SEMA6D: variants seen among roughly 807,000 people sequenced by gnomAD.
The protein encoded by SEMA6D is semaphorin-6D.
A neutral mutation model predicts 106.6 loss-of-function variants in SEMA6D; 35 were observed. The ratio of observed to expected loss-of-function variants is 0.33; its 90% CI spans 0.25 to 0.44. SEMA6D has a LOEUF of 0.44. Ranked by LOEUF, SEMA6D falls within the 20% of genes least tolerant of loss-of-function variation. The probability of loss-of-function intolerance (pLI) is 1.00; values close to 1 mark genes in which losing one functional copy is unlikely to be tolerated. For synonymous variants in SEMA6D, 499 were observed against 487.7 expected, an observed-to-expected ratio of 1.02 and a Z score of -0.31; for missense variants, 1,185 against 1,345.9, an observed-to-expected ratio of 0.88 and a Z score of 1.87.
chr15:47,447,468 C>G (rs1373627753), intron 2 of SEMA6D, among the ~76,000 whole-genome samples: 1 of 152,098 alleles, frequency 6.6e-6, no homozygotes, highest in Non-Finnish European at 1.5e-5. Flanking sequence ...GATTGGGGAG[C>G]TTGCCTATAG....
intron 2 of SEMA6D, among the ~76,000 whole-genome samples, chr15:47,458,775 C>T (rs1345939655): frequency 2.0e-5 from 3 of 151,888 alleles, no homozygotes; most frequent in Non-Finnish European, 4.4e-5. Context: ...GGTCTCAAAT[C>T]AATGGCATAT....
chr15:47,466,327 A>G (rs943103201), intron 2 of SEMA6D, among the ~76,000 whole-genome samples: 5 of 152,078 alleles, frequency 3.3e-5, no homozygotes, highest in Non-Finnish European at 5.9e-5. Flanking sequence ...CCCACCCTCT[A>G]GCCTGTAGCA....
chr15:47,715,737 A>G (rs1043778966), upstream of SEMA6D, among the ~76,000 whole-genome samples: 5 of 152,184 alleles, frequency 3.3e-5, no homozygotes, highest in African/African-American at 1.2e-4. Context: ...AAAGCTGACG[A>G]TTGTGGAATT....
intron 1 of SEMA6D, among the ~76,000 whole-genome samples, chr15:47,227,984 TAA>T (rs1284958667): frequency 2.2e-5 from 3 of 139,312 alleles, no homozygotes; most frequent in African/African-American, 5.1e-5. Context: ...TTTATATATA[TAA>T]GATTCTTATA....
chr15:47,368,016 T>G (rs2145312365), intron 1 of SEMA6D, among the ~76,000 whole-genome samples: 1 of 152,250 alleles, frequency 6.6e-6, no homozygotes, highest in East Asian at 1.9e-4. Flanking sequence ...ACATAATGTT[T>G]GAGTCCAACA....
intron 3 of SEMA6D, among the ~76,000 whole-genome samples, chr15:47,534,191 T>G (rs1308662435): frequency 1.3e-5 from 2 of 152,024 alleles, no homozygotes; most frequent in East Asian, 3.9e-4. Context: ...CAAAAATGCC[T>G]TCTTTTTTTT....
chr15:47,346,367 G>A (rs952571688), intron 1 of SEMA6D, among the ~76,000 whole-genome samples: 1 of 152,152 alleles, frequency 6.6e-6, no homozygotes, highest in African/African-American at 2.4e-5. Flanking sequence ...GTCTCCATTT[G>A]TTCCATGTGT....
intron 1 of SEMA6D, chr15:47,730,601 A>C (rs2080055215): frequency 1.9e-6 from 3 of 1,554,328 alleles, no homozygotes; most frequent in Admixed American, 1.7e-5. Flanking sequence ...CCAGGCCAAC[A>C]GTCTCTGCTT....
At chr15:47,216,149 G>A (rs2030574624) in intron 1 of SEMA6D, among the ~76,000 whole-genome samples, 2 of 152,028 alleles carry the variant, frequency 1.3e-5, no homozygotes. Context: ...GATATACCTT[G>A]TTATTTGAGA....
chr15:47,365,938 GAAAGAAAGAAAGATAGA>G (rs2039011984), intron 1 of SEMA6D, among the ~76,000 whole-genome samples: 1 of 110,878 alleles, frequency 9.0e-6, no homozygotes, highest in Admixed American at 9.7e-5. Context: ...GAAAGAAAGA[GAAAGAAAGAAAGATAGA>G]AAAGAAAGAA....
chr15:47,642,403 T>C (rs79867111), intron 4 of SEMA6D, among the ~76,000 whole-genome samples: 2 of 152,130 alleles, frequency 1.3e-5, no homozygotes, highest in Non-Finnish European at 2.9e-5. Context: ...AACCCAGTGC[T>C]TTTTCCACTC....
At chr15:47,626,735 GAAATTGAAT>G (rs1182661862) in intron 4 of SEMA6D, among the ~76,000 whole-genome samples, 2 of 151,820 alleles carry the variant, frequency 1.3e-5, no homozygotes, top group African/African-American at 4.8e-5. Flanking sequence ...TTTTAATTTT[GAAATTGAAT>G]AACAAGTCCC....
At chr15:47,307,777 C>A (rs946540888) in intron 1 of SEMA6D, among the ~76,000 whole-genome samples, 3 of 152,104 alleles carry the variant, frequency 2.0e-5, no homozygotes, top group African/African-American at 7.2e-5. Flanking sequence ...CTTTTAGTTT[C>A]CTTGCAAATG....
At chr15:47,229,527 G>A (rs1169062668) in intron 1 of SEMA6D, among the ~76,000 whole-genome samples, 6 of 151,860 alleles carry the variant, frequency 4.0e-5, no homozygotes, top group Non-Finnish European at 7.4e-5. Flanking sequence ...GGCTCAGTCT[G>A]TCACAGCTGA....
At chr15:47,283,608 C>T (rs1428488837) in intron 1 of SEMA6D, among the ~76,000 whole-genome samples, 1 of 152,160 alleles carries the variant, frequency 6.6e-6, no homozygotes, top group Non-Finnish European at 1.5e-5. Context: ...GAAAGAGAGC[C>T]AGGCCTCATC....
At chr15:47,361,906 A>G (rs920674170) in intron 1 of SEMA6D, among the ~76,000 whole-genome samples, 36 of 152,354 alleles carry the variant, frequency 2.4e-4, no homozygotes, top group African/African-American at 8.4e-4. Context: ...AACAAACTGT[A>G]CTGTGTAATT....
intron 3 of SEMA6D, among the ~76,000 whole-genome samples, chr15:47,530,607 T>C (rs149770904): frequency 6.6e-6 from 1 of 152,344 alleles, no homozygotes; most frequent in African/African-American, 2.4e-5. Context: ...AGATTTTGAA[T>C]ATACTGTGAG....
At chr15:47,460,613 T>C (rs1372591632) in intron 2 of SEMA6D, among the ~76,000 whole-genome samples, 1 of 152,136 alleles carries the variant, frequency 6.6e-6, no homozygotes. Context: ...GGTGTTAATG[T>C]AATTGTGAAT....
intron 4 of SEMA6D, among the ~76,000 whole-genome samples, chr15:47,689,677 G>T (rs1410068287): frequency 2.0e-5 from 3 of 152,162 alleles, no homozygotes; most frequent in Non-Finnish European, 4.4e-5. Context: ...CTGGTCTTTA[G>T]GAATCCTAAT....
Sources: allele counts gnomAD v4.1 joint callset (sites outside exome capture counted in the v4.1 genomes callset), GRCh38; gene constraint gnomAD v4.1.1; transcripts MANE v1.5; gene names NCBI Gene and HGNC (gene_info 2026-07-23, HGNC 2026-07-21).